VTI1A: variants seen among roughly 807,000 people sequenced by gnomAD.
VTI1A encodes the protein vesicle transport through interaction with t-SNAREs homolog 1A.
Under a neutral mutation model 34.9 loss-of-function variants are expected in VTI1A, and 22 were observed. The observed-to-expected ratio is 0.63, with a 90% CI of 0.45 to 0.90. The LOEUF (loss-of-function observed/expected upper bound fraction) is 0.90. VTI1A is among the 40% of genes least tolerant of loss of function. The pLI is 0.00. For missense variants in VTI1A, 268 were observed against 275.6 expected, an observed-to-expected ratio of 0.97 and a Z score of 0.20; for synonymous variants, 87 against 97.3, an observed-to-expected ratio of 0.89 and a Z score of 0.62.
chr10:112,814,208 G>A (rs1853427838), intron 7 of VTI1A, among the ~76,000 whole-genome samples: 1 of 152,178 alleles, frequency 6.6e-6, no homozygotes, highest in South Asian at 2.1e-4. Flanking sequence ...CATCTCCCCA[G>A]CTCCTCCCCA....
At chr10:112,725,706 A>C (rs1298037653) in intron 7 of VTI1A, among the ~76,000 whole-genome samples, 1 of 152,240 alleles carries the variant, frequency 6.6e-6, no homozygotes, top group Non-Finnish European at 1.5e-5. Context: ...TTCATATCAG[A>C]AAAGCAGCAT....
intron 5 of VTI1A, among the ~76,000 whole-genome samples, chr10:112,556,018 C>A (rs1851531697): frequency 1.3e-5 from 2 of 151,908 alleles, no homozygotes; most frequent in Non-Finnish European, 2.9e-5. Flanking sequence ...CAAGAATATT[C>A]TGACATGTAT....
chr10:112,655,382 A>T (rs1435825395), intron 5 of VTI1A, among the ~76,000 whole-genome samples: 2 of 152,152 alleles, frequency 1.3e-5, no homozygotes, highest in African/African-American at 2.4e-5. Context: ...GGGGTGGGGC[A>T]GGGGTAGCAG....
intron 7 of VTI1A, among the ~76,000 whole-genome samples, chr10:112,719,870 G>T (rs545299657): frequency 1.3e-5 from 2 of 152,052 alleles, no homozygotes; most frequent in South Asian, 4.2e-4. Flanking sequence ...TTTTATCACC[G>T]CAAAAAGAAA....
chr10:112,636,983 ATTC>A (rs1342332712), intron 5 of VTI1A, among the ~76,000 whole-genome samples: 1 of 152,236 alleles, frequency 6.6e-6, no homozygotes, highest in East Asian at 1.9e-4. Flanking sequence ...AGGCCAGTCT[ATTC>A]TTCTAGAACC....
the VTI1A span, among the ~76,000 whole-genome samples, chr10:112,841,729 T>A: frequency 6.6e-6 from 1 of 152,186 alleles, no homozygotes; most frequent in Non-Finnish European, 1.5e-5. Flanking sequence ...TGCGGCACTC[T>A]ATGGTGGGGG....
At chr10:112,716,622 A>C (rs1291955703) in intron 7 of VTI1A, among the ~76,000 whole-genome samples, 1 of 152,038 alleles carries the variant, frequency 6.6e-6, no homozygotes, top group Non-Finnish European at 1.5e-5. Flanking sequence ...GGAGCTACAG[A>C]TTGACCATCC....
At chr10:112,537,669 C>T (rs1320888899) in intron 4 of VTI1A, among the ~76,000 whole-genome samples, 1 of 152,026 alleles carries the variant, frequency 6.6e-6, no homozygotes, top group Non-Finnish European at 1.5e-5. Flanking sequence ...AAACATGTGT[C>T]TCTTGTTTCT....
chr10:112,505,625 G>GC (rs1554891132), intron 3 of VTI1A, among the ~76,000 whole-genome samples: 1 of 151,248 alleles, frequency 6.6e-6, no homozygotes, highest in African/African-American at 2.4e-5. Flanking sequence ...TTATATGCTT[G>GC]TTTTTTATTC....
intron 7 of VTI1A, among the ~76,000 whole-genome samples, chr10:112,811,924 G>A (rs1853332289): frequency 6.6e-6 from 1 of 152,176 alleles, no homozygotes; most frequent in Admixed American, 6.5e-5. Flanking sequence ...GACTGGCAAT[G>A]GAAAGATTAA....
chr10:112,451,023 T>C (rs1564780906), intron 1 of VTI1A, among the ~76,000 whole-genome samples: 1 of 152,220 alleles, frequency 6.6e-6, no homozygotes, highest in African/African-American at 2.4e-5. Context: ...AGTTGCTTAC[T>C]TTACCATTCA....
At chr10:112,492,218 TA>T (rs1396623590) in intron 3 of VTI1A, among the ~76,000 whole-genome samples, 2 of 152,188 alleles carry the variant, frequency 1.3e-5, no homozygotes, top group Non-Finnish European at 2.9e-5. Flanking sequence ...ATAGAATCTT[TA>T]GATCAGTCCC....
chr10:112,761,796 G>GTA (rs1287303914), intron 7 of VTI1A, among the ~76,000 whole-genome samples: 4 of 147,896 alleles, frequency 2.7e-5, no homozygotes, highest in Admixed American at 2.0e-4. Flanking sequence ...GTGTGTGTGT[G>GTA]TGTATGTATA....
chr10:112,853,015 A>T, the VTI1A span, among the ~76,000 whole-genome samples: 1 of 151,964 alleles, frequency 6.6e-6, no homozygotes, highest in African/African-American at 2.4e-5. Flanking sequence ...CGAACTCCAG[A>T]CCTCGTGATC....
rs1027195811 is a variant in VTI1A, at chr10:112,473,457, C to T, written c.264+8800C>T. On this transcript the variant is annotated intron_variant, in intron 3 of 7. Transcript: ENST00000393077. ...ATTGTAACATTAGTATTTTCCATTT[C>T]TATATATTCTTGATCATTTTAATGT... Among the ~76,000 whole-genome samples the T allele has an allele frequency of 4.6e-5, 7 of 152,120 alleles. No individual in the cohort carries two copies. The East Asian group carries it at 1.4e-3, about 29-fold the overall frequency.
intron 7 of VTI1A, among the ~76,000 whole-genome samples, chr10:112,786,413 C>G (rs1200159153): frequency 6.6e-6 from 1 of 152,166 alleles, no homozygotes; most frequent in African/African-American, 2.4e-5. Context: ...CCTTTCCAAT[C>G]TGGGTGCCTT....
At chr10:112,507,996 C>T (rs1849488995) in intron 3 of VTI1A, among the ~76,000 whole-genome samples, 1 of 152,182 alleles carries the variant, frequency 6.6e-6, no homozygotes, top group African/African-American at 2.4e-5. Flanking sequence ...CATCAGCTTT[C>T]TGATAGGTTT....
intron 5 of VTI1A, among the ~76,000 whole-genome samples, chr10:112,595,958 T>C (rs528816775): frequency 2.0e-5 from 3 of 152,276 alleles, no homozygotes; most frequent in South Asian, 4.1e-4. Context: ...GTGGCAGATA[T>C]ACACCATGGA....
At chr10:112,825,897 C>T in the VTI1A span, 3 of 152,190 alleles carry the variant, frequency 2.0e-5, no homozygotes, top group Non-Finnish European at 4.4e-5. Flanking sequence ...CCAGTTAAAA[C>T]TGGCATTGCA....
Sources: gnomAD v4.1 joint callset for allele counts (sites outside exome capture counted in the v4.1 genomes callset) on GRCh38, gnomAD v4.1.1 for gene constraint, MANE v1.5 for transcripts, NCBI Gene and HGNC (gene_info 2026-07-23, HGNC 2026-07-21) for gene names.